Variants in EXOC6B observed in about 807,000 individuals in gnomAD.
EXOC6B encodes SEC15 homolog B.
Under a neutral mutation model 113.5 loss-of-function variants are expected in EXOC6B, and 54 were observed. The observed-to-expected ratio is 0.48, with a 90% CI of 0.38 to 0.60. The LOEUF is 0.60. Among genes scored for constraint, EXOC6B ranks in the 20% least tolerant of loss-of-function variants. The pLI, the probability that EXOC6B is intolerant of heterozygous loss-of-function variation, is 0.00. For missense variants in EXOC6B, 797 were observed against 977.5 expected (o/e 0.82, Z 2.46); for synonymous variants, 357 against 339.0 (o/e 1.05, Z -0.58).
intron 1 of EXOC6B, among the ~76,000 whole-genome samples, chr2:72,773,836 C>A (rs1336791912): frequency 6.6e-6 from 1 of 152,160 alleles, no homozygotes; most frequent in Non-Finnish European, 1.5e-5. Flanking sequence ...GAAGAAAACT[C>A]AGCCTCACAA....
chr2:72,710,499 G>A (rs534533589), intron 6 of EXOC6B, among the ~76,000 whole-genome samples: 6 of 152,126 alleles, frequency 3.9e-5, no homozygotes, highest in Admixed American at 1.3e-4. Context: ...GCAAAAATTG[G>A]TACAAATATA....
intron 20 of EXOC6B, among the ~76,000 whole-genome samples, chr2:72,306,694 T>C (rs1022459365): frequency 6.6e-6 from 1 of 152,124 alleles, no homozygotes; most frequent in African/African-American, 2.4e-5. Context: ...ACCCTCGTTG[T>C]ATACTGCTAA....
chr2:72,732,986 C>G (rs1204390582), intron 3 of EXOC6B, 85 bp downstream of exon 3: 1 of 936,974 alleles, frequency 1.1e-6, no homozygotes, highest in Non-Finnish European at 1.7e-6. Flanking sequence ...TACTTACAGT[C>G]TTAACCACTA....
intron 20 of EXOC6B, among the ~76,000 whole-genome samples, chr2:72,189,765 CCT>C (rs1478726044): frequency 2.0e-5 from 3 of 149,928 alleles, no homozygotes; most frequent in Non-Finnish European, 4.5e-5. Context: ...TCTTCCTTCC[CCT>C]TTCTTTTCTC....
chr2:72,647,376 C>G (rs1274175563), intron 6 of EXOC6B, among the ~76,000 whole-genome samples: 1 of 152,092 alleles, frequency 6.6e-6, no homozygotes, highest in Non-Finnish European at 1.5e-5. Context: ...AGATTCAATG[C>G]CATCCCCATC....
chr2:72,299,348 T>C (rs1283508276), intron 20 of EXOC6B, among the ~76,000 whole-genome samples: 2 of 151,906 alleles, frequency 1.3e-5, no homozygotes, highest in Non-Finnish European at 2.9e-5. Flanking sequence ...TTCATTTATG[T>C]TCTTCTCTAA....
chr2:72,719,454 C>A (rs1679854782), intron 5 of EXOC6B, among the ~76,000 whole-genome samples: 1 of 152,188 alleles, frequency 6.6e-6, no homozygotes, highest in African/African-American at 2.4e-5. Flanking sequence ...GGCTGAGAGG[C>A]TATGCATACC....
chr2:72,733,704 A>AT (rs1292024697), intron 2 of EXOC6B, among the ~76,000 whole-genome samples: 1 of 152,252 alleles, frequency 6.6e-6, no homozygotes. Context: ...AGAGTTCATT[A>AT]TATAAAGGAA....
At chr2:72,185,376 G>T (rs2104234881) in intron 20 of EXOC6B, among the ~76,000 whole-genome samples, 1 of 152,366 alleles carries the variant, frequency 6.6e-6, no homozygotes, top group South Asian at 2.1e-4. Context: ...CAGGCAGTAT[G>T]GGCCTTGCCC....
At chr2:72,194,215 G>A (rs1047913141) in intron 20 of EXOC6B, among the ~76,000 whole-genome samples, 21 of 152,116 alleles carry the variant, frequency 1.4e-4, no homozygotes, top group Non-Finnish European at 2.5e-4. Context: ...AACAACTGGC[G>A]TAAGAATTAT....
At chr2:72,619,318 A>C (rs895162684) in intron 6 of EXOC6B, among the ~76,000 whole-genome samples, 1 of 152,112 alleles carries the variant, frequency 6.6e-6, no homozygotes, top group East Asian at 1.9e-4. Context: ...GGGTTTTCTT[A>C]TATTGTTTTA....
chr2:72,501,237 T>C (rs1241138792), intron 11 of EXOC6B, among the ~76,000 whole-genome samples: 1 of 152,168 alleles, frequency 6.6e-6, no homozygotes, highest in African/African-American at 2.4e-5. Context: ...TGGGAGGTGT[T>C]TGGATCTCTC....
chr2:72,412,465 C>G (rs1158237564), intron 18 of EXOC6B, among the ~76,000 whole-genome samples: 1 of 152,100 alleles, frequency 6.6e-6, no homozygotes. Flanking sequence ...GAAAAGACCT[C>G]AAGTAGTGGC....
At chr2:72,338,956 C>CAT (rs1688861676) in intron 19 of EXOC6B, among the ~76,000 whole-genome samples, 1 of 151,496 alleles carries the variant, frequency 6.6e-6, no homozygotes, top group African/African-American at 2.4e-5. Flanking sequence ...TACACATACA[C>CAT]ATACACATAC....
chr2:72,655,361 C>A (rs1395180920), intron 6 of EXOC6B, among the ~76,000 whole-genome samples: 3 of 151,042 alleles, frequency 2.0e-5, no homozygotes, highest in Non-Finnish European at 4.4e-5. Flanking sequence ...AAAGGGCAAA[C>A]TAAAAAGAAA....
intron 18 of EXOC6B, among the ~76,000 whole-genome samples, chr2:72,458,280 C>G (rs972026807): frequency 6.6e-6 from 1 of 152,040 alleles, no homozygotes; most frequent in Non-Finnish European, 1.5e-5. Flanking sequence ...GAATAATGCC[C>G]GAAGGCAAAT....
chr2:72,219,061 G>A (rs1680709110), intron 20 of EXOC6B, among the ~76,000 whole-genome samples: 1 of 152,110 alleles, frequency 6.6e-6, no homozygotes, highest in Non-Finnish European at 1.5e-5. Context: ...TTGTATCAGG[G>A]GGCCTTGCTT....
rs759996100 is a variant in EXOC6B at position 72,366,916 on chromosome 2, T to C, written c.2122+12813A>G. Among the ~76,000 whole-genome samples, 6 of 151,318 alleles carry C rather than the reference T, an allele frequency of 4.0e-5. No individual in the cohort carries two copies. In the East Asian group the frequency reaches 1.2e-3, roughly 29 times the overall value. ...AAGTGGAATTGCGCTATAGTGTACA[T>C]TGAAGGAAGCTCCTCAGTAGAATAA... On this transcript the variant is annotated intron_variant, in intron 19 of 21. Coordinates refer to ENST00000272427, the MANE Select transcript of EXOC6B (RefSeq NM_015189.3).
chr2:72,227,479 A>G (rs372725426), intron 20 of EXOC6B, among the ~76,000 whole-genome samples: 7 of 152,230 alleles, frequency 4.6e-5, no homozygotes, highest in African/African-American at 1.2e-4. Flanking sequence ...TGAAACTATT[A>G]TAAGGGTAAA....
Sources: allele counts gnomAD v4.1 joint callset (sites outside exome capture counted in the v4.1 genomes callset), GRCh38; gene constraint gnomAD v4.1.1; transcripts MANE v1.5; gene names NCBI Gene and HGNC (gene_info 2026-07-23, HGNC 2026-07-21).